OCA2: variants seen among roughly 807,000 people sequenced by gnomAD.
OCA2 encodes the protein OCA2 melanosomal transmembrane protein.
OCA2 carries 77 observed loss-of-function variants against 100.2 expected under a neutral mutation model. The observed-to-expected ratio is 0.77, with a 90% CI of 0.64 to 0.93. The LOEUF (loss-of-function observed/expected upper bound fraction) is 0.93, where lower values mean the gene tolerates loss of function less well. Ranked by LOEUF, OCA2 falls within the 40% of genes least tolerant of loss-of-function variation. The probability of loss-of-function intolerance (pLI) is 0.00; values close to 1 mark genes in which losing one functional copy is unlikely to be tolerated. For synonymous variants in OCA2, 432 were observed against 439.2 expected, an observed-to-expected ratio of 0.98 and a Z score of 0.21; for missense variants, 1,062 against 1,089.1, an observed-to-expected ratio of 0.98 and a Z score of 0.35.
chr15:27,892,429 T>G (rs1188633346), intron 19 of OCA2, among the ~76,000 whole-genome samples: 1 of 152,110 alleles, frequency 6.6e-6, no homozygotes, highest in East Asian at 1.9e-4. Context: ...TCTAAATGCA[T>G]GGAAATTAAC....
Position 27,926,298 on chromosome 15 carries a change from A to G in OCA2, c.1952-44T>C. On this transcript the variant is annotated intron_variant, in intron 18 of 23. Coordinates refer to ENST00000354638, the MANE Select transcript of OCA2 (RefSeq NM_000275.3). ...ACATAGAGATATAGTTCCACTGTTA[A>G]CACACCGATTCATTTCTTTAACCTC... The G allele has an allele frequency of 1.9e-6, 3 of 1,609,250 alleles. No individual in the cohort carries two copies. In the South Asian group the frequency reaches 3.3e-5, roughly 18 times the overall value.
At chr15:27,879,075 C>T (rs757844957) in intron 19 of OCA2, among the ~76,000 whole-genome samples, 26 of 152,168 alleles carry the variant, frequency 1.7e-4, no homozygotes, top group Non-Finnish European at 3.1e-4. Flanking sequence ...TCTCTTCGTT[C>T]GGCTCCCACT....
intron 23 of OCA2, among the ~76,000 whole-genome samples, chr15:27,777,420 T>G (rs944380926): frequency 1.3e-5 from 2 of 152,218 alleles, no homozygotes; most frequent in Non-Finnish European, 2.9e-5. Flanking sequence ...AATTTTACAG[T>G]GAGAATGCAT....
Position 27,773,681 on chromosome 15 carries a change from T to C in OCA2, c.2433-18209A>G, listed in dbSNP as rs115732072. On this transcript the variant is annotated intron_variant, in intron 23 of 23. Transcript: ENST00000354638. ...ACTAAGGCCCAGAGAGGCTAAGTCA[T>C]ACCCAAGGTCACACAGGAGGTTAAT... Among the ~76,000 whole-genome samples the C allele has an allele frequency of 5.1e-3, 770 of 152,308 alleles. 9 individuals are homozygous for C. Among genetic ancestry groups the C allele is most frequent in the African/African-American group, 0.018 (733 of 41,562 alleles).
chr15:27,817,118 GAACCCA>G (rs2034332936), intron 23 of OCA2, among the ~76,000 whole-genome samples: 1 of 152,114 alleles, frequency 6.6e-6, no homozygotes. Flanking sequence ...TATTTACCTG[GAACCCA>G]CGCTATCCTG....
At chr15:27,811,357 C>T (rs2151219334) in intron 23 of OCA2, among the ~76,000 whole-genome samples, 1 of 152,138 alleles carries the variant, frequency 6.6e-6, no homozygotes, top group Non-Finnish European at 1.5e-5. Context: ...TTTGGAGATT[C>T]AGAATGGGAA....
intron 14 of OCA2, among the ~76,000 whole-genome samples, chr15:27,973,557 A>T (rs1251902875): frequency 1.3e-5 from 2 of 152,170 alleles, no homozygotes; most frequent in East Asian, 3.8e-4. Context: ...CTTTTATACT[A>T]GTACCATGCT....
At chr15:27,795,263 A>G (rs1378362700) in intron 23 of OCA2, among the ~76,000 whole-genome samples, 1 of 152,120 alleles carries the variant, frequency 6.6e-6, no homozygotes, top group East Asian at 1.9e-4. Flanking sequence ...CTTTACACAG[A>G]CACTGTCATT....
intron 19 of OCA2, among the ~76,000 whole-genome samples, chr15:27,887,873 C>T (rs186649679): frequency 9.2e-5 from 14 of 151,686 alleles, no homozygotes; most frequent in Admixed American, 7.9e-4. Context: ...AAAGCTCTGC[C>T]AGCAAAGGTA....
At chr15:27,737,864 G>A in the OCA2 span, among the ~76,000 whole-genome samples, 2 of 152,320 alleles carry the variant, frequency 1.3e-5, no homozygotes, top group Admixed American at 6.5e-5. Context: ...GTCAGACAAC[G>A]TCATAGGAGA....
At chr15:27,808,253 C>G (rs1435660586) in intron 23 of OCA2, among the ~76,000 whole-genome samples, 1 of 152,170 alleles carries the variant, frequency 6.6e-6, no homozygotes, top group Non-Finnish European at 1.5e-5. Flanking sequence ...CAGGGCTGGG[C>G]AAAGGCATGA....
the OCA2 span, among the ~76,000 whole-genome samples, chr15:27,740,947 A>T: frequency 2.0e-5 from 3 of 152,182 alleles, no homozygotes; most frequent in African/African-American, 7.2e-5. Flanking sequence ...ACCTGCAAGA[A>T]GCTTGGAGGC....
intron 19 of OCA2, among the ~76,000 whole-genome samples, chr15:27,902,346 A>C (rs2037982644): frequency 1.3e-5 from 2 of 152,160 alleles, no homozygotes; most frequent in Admixed American, 1.3e-4. Flanking sequence ...GATTTGATTT[A>C]CTCAACAAAT....
chr15:27,812,472 A>C (rs1468120715), intron 23 of OCA2, among the ~76,000 whole-genome samples: 5 of 152,170 alleles, frequency 3.3e-5, no homozygotes, highest in Non-Finnish European at 7.3e-5. Flanking sequence ...AAAGTTCATG[A>C]TAGGTTTTTA....
At chr15:27,763,595 G>T (rs35729795) in intron 23 of OCA2, among the ~76,000 whole-genome samples, 10 of 152,344 alleles carry the variant, frequency 6.6e-5, no homozygotes, top group African/African-American at 2.4e-4. Flanking sequence ...TGCTGTGAGT[G>T]GTTGCGATGC....
chr15:28,047,541 A>C (rs1002967342), intron 2 of OCA2, among the ~76,000 whole-genome samples: 1 of 152,320 alleles, frequency 6.6e-6, no homozygotes, highest in East Asian at 1.9e-4. Flanking sequence ...GCCATCTTCC[A>C]TCTTAAGCAT....
intron 3 of OCA2, among the ~76,000 whole-genome samples, chr15:28,028,606 G>T (rs931783009): frequency 4.7e-4 from 72 of 152,306 alleles, no homozygotes; most frequent in African/African-American, 1.5e-3. Flanking sequence ...ATATCTAGAT[G>T]ACTCAAGGGG....
chr15:28,033,865 C>T (rs1294014823), intron 2 of OCA2, among the ~76,000 whole-genome samples: 4 of 152,150 alleles, frequency 2.6e-5, no homozygotes, highest in Non-Finnish European at 5.9e-5. Flanking sequence ...GAAAATGTCA[C>T]AGTGAGTGGA....
intron 2 of OCA2, among the ~76,000 whole-genome samples, chr15:28,034,110 C>T (rs989585382): frequency 1.1e-4 from 16 of 151,976 alleles, no homozygotes; most frequent in Non-Finnish European, 2.2e-4. Flanking sequence ...ATAGCAAGAC[C>T]CCATCTCTAT....
Sources: gnomAD v4.1 joint callset for allele counts (sites outside exome capture counted in the v4.1 genomes callset) on GRCh38, gnomAD v4.1.1 for gene constraint, MANE v1.5 for transcripts, NCBI Gene and HGNC (gene_info 2026-07-23, HGNC 2026-07-21) for gene names.